Variants in SEMA3E observed in about 807,000 individuals in gnomAD.
SEMA3E encodes semaphorin 3E.
Under a neutral mutation model 93.6 loss-of-function variants are expected in SEMA3E, and 49 were observed. The observed-to-expected ratio is 0.52, with a 90% CI of 0.42 to 0.66. The LOEUF (loss-of-function observed/expected upper bound fraction) is 0.66. Ranked by LOEUF, SEMA3E falls within the 30% of genes least tolerant of loss-of-function variation. The pLI is 0.00. For synonymous variants in SEMA3E, 363 were observed against 330.7 expected, an observed-to-expected ratio of 1.10 and a Z score of -1.06; for missense variants, 906 against 964.8, an observed-to-expected ratio of 0.94 and a Z score of 0.81.
At chr7:83,524,761 G>A (rs929391009) in intron 1 of SEMA3E, among the ~76,000 whole-genome samples, 4 of 151,820 alleles carry the variant, frequency 2.6e-5, no homozygotes, top group African/African-American at 7.3e-5. Context: ...AATTCAACCC[G>A]TAACTCTCTA....
Position 83,466,409 on chromosome 7 carries a change from C to T in SEMA3E, c.456+73G>A, listed in dbSNP as rs1789756154. ...CTTTTATCTTTCTTGGGAAGAAATG[C>T]TGTAGTCTTTCTTTGAGAACAAGGT... On this transcript the variant is annotated intron_variant, in intron 4 of 16. Coordinates refer to ENST00000643230, the MANE Select transcript of SEMA3E (RefSeq NM_012431.3). 1.9e-6 allele frequency: 3 copies of T among 1,541,266 alleles called. No homozygotes were observed. In the African/African-American group the frequency reaches 4.1e-5, roughly 21 times the overall value.
intron 1 of SEMA3E, among the ~76,000 whole-genome samples, chr7:83,631,366 T>C (rs1320562706): frequency 6.6e-6 from 1 of 152,200 alleles, no homozygotes; most frequent in Admixed American, 6.5e-5. Context: ...TTATATACTT[T>C]AATTAAAATT....
chr7:83,596,463 T>C (rs1168583751), intron 1 of SEMA3E, among the ~76,000 whole-genome samples: 1 of 152,142 alleles, frequency 6.6e-6, no homozygotes, highest in Non-Finnish European at 1.5e-5. Flanking sequence ...GTATGTATAG[T>C]AACACATTCA....
At chr7:83,555,519 T>C (rs1188386436) in intron 1 of SEMA3E, among the ~76,000 whole-genome samples, 1 of 152,190 alleles carries the variant, frequency 6.6e-6, no homozygotes, top group Non-Finnish European at 1.5e-5. Flanking sequence ...GCTATTCATC[T>C]ACGACTTTCT....
rs78183172 is a variant in SEMA3E at position 83,560,993 on chromosome 7, T to A, written c.116-70719A>T. ...TAAACTATGATTCAATTTCCTGGAA[T>A]TTACTAATTTAGAAATCCTGAAGAC... On this transcript the variant is annotated intron_variant, in intron 1 of 16. Coordinates refer to ENST00000643230, the MANE Select transcript of SEMA3E (RefSeq NM_012431.3). Among the ~76,000 whole-genome samples, 405 of 152,180 alleles carry A rather than the reference T, an allele frequency of 2.7e-3. 6 individuals carry two copies. The highest frequency in any genetic ancestry group is 0.018 in the Admixed American group (275 of 15,246).
At chr7:83,519,343 C>T (rs1009340860) in intron 1 of SEMA3E, among the ~76,000 whole-genome samples, 1 of 152,130 alleles carries the variant, frequency 6.6e-6, no homozygotes, top group Non-Finnish European at 1.5e-5. Flanking sequence ...CTTCACTAAA[C>T]CTAGAACCAT....
intron 16 of SEMA3E, among the ~76,000 whole-genome samples, chr7:83,369,165 A>G (rs1794717967): frequency 6.6e-6 from 1 of 152,194 alleles, no homozygotes; most frequent in Non-Finnish European, 1.5e-5. Flanking sequence ...TTCACCTTTG[A>G]GAATACAAAA....
At chr7:83,440,858 G>A (rs544161002) in intron 4 of SEMA3E, among the ~76,000 whole-genome samples, 1 of 151,088 alleles carries the variant, frequency 6.6e-6, no homozygotes, top group African/African-American at 2.4e-5. Context: ...GAGTAGCCCA[G>A]ATGGATTGTA....
intron 2 of SEMA3E, among the ~76,000 whole-genome samples, chr7:83,487,547 C>CAG (rs541417942): frequency 0.012 from 1,808 of 148,870 alleles, 33 homozygotes; most frequent in African/African-American, 0.042. Flanking sequence ...TAGATGGTAT[C>CAG]AGAGAGAGAG....
chr7:83,593,284 CTGTGTGTGTGTGTGTGTGTGTGTGTGTG>C (rs66605514), intron 1 of SEMA3E, among the ~76,000 whole-genome samples: 35 of 116,762 alleles, frequency 3.0e-4, no homozygotes, highest in Middle Eastern at 4.2e-3. Flanking sequence ...CTCTCTCTCT[CTGTGTGTGTGTGTGTGTGTGTGTGTGTG>C]TGTGTGTGTG....
At chr7:83,392,195 T>C (rs1408537605) in intron 14 of SEMA3E, among the ~76,000 whole-genome samples, 1 of 152,114 alleles carries the variant, frequency 6.6e-6, no homozygotes, top group South Asian at 2.1e-4. Flanking sequence ...ACTTTCAAAA[T>C]GAAATAAATG....
chr7:83,371,926 T>A (rs2116897743), intron 16 of SEMA3E: 1 of 201,352 alleles, frequency 5.0e-6, no homozygotes, highest in East Asian at 1.1e-4. Context: ...ACCATTTACA[T>A]TTGTAGCACA....
At position 83,577,765 on chromosome 7, in the gene SEMA3E, A is replaced by AT. The variant is rs1452231931; in HGVS notation, c.115+70662dup. 2.6e-5 allele frequency among the ~76,000 whole-genome samples: 4 copies of AT among 152,092 alleles called. No homozygotes were observed. In the East Asian group the frequency reaches 5.8e-4, roughly 22 times the overall value. Reference sequence around the variant, plus strand: ...GCTCTAGGAGAGAGAATGTAAAGTGATTTTTTATTATTATTACAAAGTCAT... The same window carrying AT: ...GCTCTAGGAGAGAGAATGTAAAGTGATTTTTTTATTATTATTACAAAGTCAT... On this transcript the variant is annotated intron_variant, in intron 1 of 16. Transcript: ENST00000643230.
chr7:83,472,572 GT>G (rs1388608953), intron 2 of SEMA3E, among the ~76,000 whole-genome samples: 1 of 152,114 alleles, frequency 6.6e-6, no homozygotes, highest in Non-Finnish European at 1.5e-5. Flanking sequence ...CCTTTCTTAA[GT>G]TCCCTCGGAA....
chr7:83,450,993 G>A (rs957914926), intron 4 of SEMA3E, among the ~76,000 whole-genome samples: 2 of 149,696 alleles, frequency 1.3e-5, no homozygotes, highest in Admixed American at 6.6e-5. Flanking sequence ...GGTCATGGGA[G>A]GAACCAGGTA....
chr7:83,629,224 C>T (rs1216995417), intron 1 of SEMA3E, among the ~76,000 whole-genome samples: 1 of 152,174 alleles, frequency 6.6e-6, no homozygotes, highest in Non-Finnish European at 1.5e-5. Context: ...CCGGAGCTCT[C>T]CCGTATGAGG....
intron 1 of SEMA3E, among the ~76,000 whole-genome samples, chr7:83,574,931 C>T (rs1792368587): frequency 6.6e-6 from 1 of 152,132 alleles, no homozygotes; most frequent in East Asian, 1.9e-4. Context: ...TGTTTTCAAT[C>T]ACTAAGTTTT....
At chr7:83,505,049 G>A (rs1053866771) in intron 1 of SEMA3E, among the ~76,000 whole-genome samples, 5 of 151,972 alleles carry the variant, frequency 3.3e-5, no homozygotes, top group Non-Finnish European at 7.4e-5. Context: ...ATTATATAGT[G>A]GTTTCTTCAT....
intron 1 of SEMA3E, among the ~76,000 whole-genome samples, chr7:83,494,628 G>A (rs535817414): frequency 9.2e-5 from 14 of 152,036 alleles, no homozygotes; most frequent in South Asian, 2.1e-4. Context: ...AAAACAAACA[G>A]AAGCCAAGGT....
Sources: allele counts gnomAD v4.1 joint callset (sites outside exome capture counted in the v4.1 genomes callset), GRCh38; gene constraint gnomAD v4.1.1; transcripts MANE v1.5; gene names NCBI Gene and HGNC (gene_info 2026-07-23, HGNC 2026-07-21).